Variants in ABL2 observed in about 807,000 individuals in gnomAD.
ABL2 encodes tyrosine-protein kinase ABL2.
Under a neutral mutation model 107.7 loss-of-function variants are expected in ABL2, and 49 were observed. The ratio of observed to expected loss-of-function variants is 0.45; its 90% confidence interval spans 0.36 to 0.58. The LOEUF is 0.58. Among genes scored for constraint, ABL2 ranks in the 20% least tolerant of loss-of-function variants. The pLI is 0.00. For synonymous variants in ABL2, 549 were observed against 548.6 expected (o/e 1.00, Z -0.01); for missense variants, 1,245 against 1,457.0 (o/e 0.85, Z 2.37).
chr1:179,125,022 C>T (rs777070524), intron 4 of ABL2, among the ~76,000 whole-genome samples: 11 of 152,200 alleles, frequency 7.2e-5, no homozygotes, highest in Non-Finnish European at 1.6e-4. Flanking sequence ...CTGGCTAATA[C>T]TAATCCTTCA....
chr1:179,109,051 C>T lies in ABL2; in HGVS notation c.2216G>A (p.Gly739Asp). 1.2e-6 allele frequency: 1 copy of T among 809,818 alleles called. No homozygotes were observed. The highest frequency in any genetic ancestry group is 2.2e-5 in the Admixed American group (1 of 45,094). The allele number at this position is 809,818 out of a possible 1,614,324, so 50.2% of individuals were successfully genotyped here. A position where few individuals can be genotyped will look rare whatever the true frequency, so the allele number is the denominator to read the frequency against. ...NDDGGGGGGS[G>D]TAGGGWSGIT... ...GCCAGACCACCCACCCCCAGCAGTG[C>T]CACTGCCCCCACCCCCACCACCGTC... The change falls in exon 12 of 12, where the codon GGC becomes GAC. Residue 739 changes from glycine to aspartate, a missense_variant. Gly to Asp is a moderately conservative substitution (Grantham distance 94, BLOSUM62 -1). Around this residue, in one of 3 missense-constraint regions of ABL2, gnomAD observed 761 missense variants for 766.4 expected, o/e 0.99. Transcript: ENST00000502732.
At chr1:179,148,995 T>C (rs1325810271) in intron 1 of ABL2, among the ~76,000 whole-genome samples, 2 of 151,856 alleles carry the variant, frequency 1.3e-5, no homozygotes. Context: ...TGTCTCTAAC[T>C]TTAAACCAAA....
chr1:179,150,926 G>A (rs889487290), intron 1 of ABL2, among the ~76,000 whole-genome samples: 7 of 152,088 alleles, frequency 4.6e-5, no homozygotes, highest in Admixed American at 4.6e-4. Context: ...CAATGTTGGG[G>A]CCAGGCCTTC....
At position 179,112,250 on chromosome 1, in the gene ABL2, T is replaced by TCAC. The variant is rs1039166317; in HGVS notation, c.1651+56_1651+58dup. ...CATTTTTGAAATGTAATTACCATTA[T>TCAC]CACCACCACCACCACTACCCAGAAT... On this transcript the variant is annotated intron_variant, in intron 10 of 11. Transcript: ENST00000502732. 46 of 1,439,902 alleles carry TCAC rather than the reference T, an allele frequency of 3.2e-5. 1 individual carries two copies. The African/African-American group carries it at 4.2e-4, about 13-fold the overall frequency. 89.2% of individuals were successfully genotyped at this position (1,439,902 alleles called of 1,614,324 possible).
At chr1:179,112,682 T>C (rs908093073) in intron 9 of ABL2, among the ~76,000 whole-genome samples, 1 of 151,864 alleles carries the variant, frequency 6.6e-6, no homozygotes, top group African/African-American at 2.4e-5. Context: ...CTTGACCTCC[T>C]GGGTTCAAAC....
intron 1 of ABL2, among the ~76,000 whole-genome samples, chr1:179,143,829 T>C (rs1359373205): frequency 6.6e-6 from 1 of 152,176 alleles, no homozygotes; most frequent in African/African-American, 2.4e-5. Context: ...CCCAGGTGAC[T>C]GCGATTACAG....
chr1:179,179,398 T>C (rs1660236742), intron 1 of ABL2, among the ~76,000 whole-genome samples: 2 of 152,018 alleles, frequency 1.3e-5, no homozygotes. Flanking sequence ...AGCCGAGATA[T>C]TCAATATATA....
intron 1 of ABL2, among the ~76,000 whole-genome samples, chr1:179,196,304 C>T (rs1260416453): frequency 6.6e-6 from 1 of 152,122 alleles, no homozygotes; most frequent in African/African-American, 2.4e-5. Flanking sequence ...ACTAAAATTA[C>T]CTTATTGAAA....
At chr1:179,135,388 G>A (rs1390663852) in intron 1 of ABL2, among the ~76,000 whole-genome samples, 3 of 150,660 alleles carry the variant, frequency 2.0e-5, no homozygotes, top group African/African-American at 4.9e-5. Flanking sequence ...CTGCCACCCC[G>A]TCCGGGATGT....
At chr1:179,223,855 C>T (rs559631275) in intron 1 of ABL2, among the ~76,000 whole-genome samples, 203 of 150,884 alleles carry the variant, frequency 1.3e-3, no homozygotes, top group Middle Eastern at 0.01. Context: ...TGGCCGGGTG[C>T]GGTGGCTCAC....
At chr1:179,176,329 A>C (rs1162937657) in intron 1 of ABL2, among the ~76,000 whole-genome samples, 1 of 152,216 alleles carries the variant, frequency 6.6e-6, no homozygotes, top group Non-Finnish European at 1.5e-5. Context: ...TGAAATAACT[A>C]AAAGAGTATA....
intron 1 of ABL2, among the ~76,000 whole-genome samples, chr1:179,192,166 G>A (rs772239936): frequency 2.1e-4 from 32 of 152,102 alleles, no homozygotes; most frequent in Non-Finnish European, 4.4e-4. Context: ...ATTTAGTTAC[G>A]AAAAACAATC....
At chr1:179,165,481 G>C (rs1659325745) in intron 1 of ABL2, among the ~76,000 whole-genome samples, 1 of 151,998 alleles carries the variant, frequency 6.6e-6, no homozygotes, top group Non-Finnish European at 1.5e-5. Context: ...TTTTTGTGCA[G>C]AGGGTATGTG....
At chr1:179,217,852 A>T (rs1374678819) in intron 1 of ABL2, among the ~76,000 whole-genome samples, 1 of 152,130 alleles carries the variant, frequency 6.6e-6, no homozygotes, top group African/African-American at 2.4e-5. Context: ...GGGGTAAAAA[A>T]TACCTAAAAA....
intron 3 of ABL2, among the ~76,000 whole-genome samples, chr1:179,129,040 A>C (rs1039043907): frequency 6.6e-6 from 1 of 152,186 alleles, no homozygotes; most frequent in Non-Finnish European, 1.5e-5. Flanking sequence ...ATCAAAAACT[A>C]AAGTGTTGCT....
intron 1 of ABL2, among the ~76,000 whole-genome samples, chr1:179,195,686 A>G (rs1571295321): frequency 6.6e-6 from 1 of 152,208 alleles, no homozygotes; most frequent in South Asian, 2.1e-4. Context: ...ACACCATTAA[A>G]TATCATTCAG....
chr1:179,184,613 T>C (rs542690129), intron 1 of ABL2: 26 of 531,292 alleles, frequency 4.9e-5, no homozygotes, highest in Non-Finnish European at 7.9e-5. Flanking sequence ...TTAGAAGATA[T>C]TGATGAAGAA....
At chr1:179,170,283 A>G (rs916890870) in intron 1 of ABL2, among the ~76,000 whole-genome samples, 1 of 152,198 alleles carries the variant, frequency 6.6e-6, no homozygotes, top group Admixed American at 6.5e-5. Flanking sequence ...ATTACCTCTT[A>G]AAAAGATCCC....
chr1:179,189,100 C>A (rs973824365), intron 1 of ABL2, among the ~76,000 whole-genome samples: 4 of 152,054 alleles, frequency 2.6e-5, no homozygotes, highest in African/African-American at 9.7e-5. Context: ...CAAAACATGA[C>A]AATCTTCATG....
Sources: allele counts gnomAD v4.1 joint callset (sites outside exome capture counted in the v4.1 genomes callset), GRCh38; gene constraint gnomAD v4.1.1; regional missense constraint gnomAD v4.1.1; transcripts MANE v1.5; gene names NCBI Gene and HGNC (gene_info 2026-07-23, HGNC 2026-07-21).